APBB1IP: variants seen among roughly 807,000 people sequenced by gnomAD.
The protein encoded by APBB1IP is amyloid beta precursor protein binding family B member 1 interacting protein, also known as amyloid beta A4 precursor protein-binding family B member 1-interacting protein.
A neutral mutation model predicts 64.9 loss-of-function variants in APBB1IP; 27 were observed. The ratio of observed to expected loss-of-function variants is 0.42; its 90% CI spans 0.31 to 0.57. APBB1IP has a LOEUF of 0.57. Among genes scored for constraint, APBB1IP ranks in the 20% least tolerant of loss-of-function variants. The pLI, the probability that APBB1IP is intolerant of heterozygous loss-of-function variation, is 0.20. For missense variants in APBB1IP, 812 were observed against 845.5 expected (o/e 0.96, Z 0.49); for synonymous variants, 392 against 331.0 (o/e 1.18, Z -2.00).
chr10:26,443,349 A>G (rs3006806), intron 2 of APBB1IP, among the ~76,000 whole-genome samples: 149,568 of 151,470 alleles, frequency 0.99, 73,870 homozygotes, highest in East Asian at 1. Flanking sequence ...GCTTGAACCC[A>G]GGAGGTGGAG....
At chr10:26,548,171 G>A (rs1836789775) in intron 11 of APBB1IP, among the ~76,000 whole-genome samples, 1 of 152,142 alleles carries the variant, frequency 6.6e-6, no homozygotes, top group Admixed American at 6.5e-5. Flanking sequence ...ATTTCTGTGT[G>A]AAGTATGACA....
intron 2 of APBB1IP, among the ~76,000 whole-genome samples, chr10:26,440,564 T>A (rs1431561475): frequency 6.6e-6 from 1 of 152,218 alleles, no homozygotes; most frequent in African/African-American, 2.4e-5. Context: ...CAGCCCAAAC[T>A]TGAACAGGTC....
At chr10:26,476,076 T>C (rs1588576655) in intron 2 of APBB1IP, among the ~76,000 whole-genome samples, 2 of 151,790 alleles carry the variant, frequency 1.3e-5, no homozygotes, top group South Asian at 4.2e-4. Flanking sequence ...TTTTTTTTTT[T>C]TTGAGAGAGT....
At chr10:26,526,573 GT>G (rs1836477046) in intron 8 of APBB1IP, among the ~76,000 whole-genome samples, 1 of 152,032 alleles carries the variant, frequency 6.6e-6, no homozygotes, top group East Asian at 1.9e-4. Context: ...ACAAAAACAA[GT>G]CGTGCATGGC....
chr10:26,497,516 A>C (rs1836041199), intron 4 of APBB1IP, among the ~76,000 whole-genome samples: 1 of 151,448 alleles, frequency 6.6e-6, no homozygotes, highest in Non-Finnish European at 1.5e-5. Context: ...GCGCCACTGC[A>C]CTCCAACCTG....
At chr10:26,510,734 TCA>T (rs1554776713) in intron 6 of APBB1IP, among the ~76,000 whole-genome samples, 2,200 of 135,716 alleles carry the variant, frequency 0.016, 22 homozygotes, top group South Asian at 0.029. Flanking sequence ...AGACCCTGTC[TCA>T]CACACACACA....
intron 11 of APBB1IP, among the ~76,000 whole-genome samples, chr10:26,549,415 T>C (rs1193832609): frequency 6.6e-6 from 1 of 152,196 alleles, no homozygotes; most frequent in Non-Finnish European, 1.5e-5. Context: ...TATATGTTTC[T>C]AGAACTCAGC....
chr10:26,490,945 A>G (rs1835947389), intron 2 of APBB1IP, among the ~76,000 whole-genome samples: 1 of 152,188 alleles, frequency 6.6e-6, no homozygotes, highest in South Asian at 2.1e-4. Flanking sequence ...AGTATGAGCT[A>G]TAATTGGCAT....
rs147102431 is a variant in APBB1IP at position 26,480,718 on chromosome 10, C to T, written c.1-11609C>T. On this transcript the variant is annotated intron_variant, in intron 2 of 14. Coordinates refer to ENST00000376236, the MANE Select transcript of APBB1IP (RefSeq NM_019043.4). ...CTGGGCTCAAGTGATCTGCCTACCT[C>T]GACCTCCCAAAGTGCTGGGATTACA... Among the ~76,000 whole-genome samples, 866 of 145,970 alleles carry T rather than the reference C, an allele frequency of 5.9e-3. 12 individuals are homozygous for T. The highest frequency in any genetic ancestry group is 0.02 in the African/African-American group (807 of 39,410).
At chr10:26,472,729 G>T (rs1835734111) in intron 2 of APBB1IP, among the ~76,000 whole-genome samples, 1 of 152,116 alleles carries the variant, frequency 6.6e-6, no homozygotes, top group Non-Finnish European at 1.5e-5. Flanking sequence ...CTGAAGTCAG[G>T]AGTTCGAGAC....
chr10:26,529,996 A>G (rs114770526), intron 8 of APBB1IP, among the ~76,000 whole-genome samples: 86 of 152,236 alleles, frequency 5.6e-4, no homozygotes, highest in African/African-American at 2.0e-3. Flanking sequence ...ACGTGATTCA[A>G]ATATCTGGCC....
At chr10:26,478,094 G>C (rs150205786) in intron 2 of APBB1IP, among the ~76,000 whole-genome samples, 70 of 152,314 alleles carry the variant, frequency 4.6e-4, no homozygotes, top group African/African-American at 1.7e-3. Flanking sequence ...AGCGGGAAGA[G>C]AGTATAATTA....
chr10:26,440,715 T>C (rs1835329975), intron 2 of APBB1IP, among the ~76,000 whole-genome samples: 1 of 152,204 alleles, frequency 6.6e-6, no homozygotes, highest in Non-Finnish European at 1.5e-5. Context: ...TATTTTTATA[T>C]CCTAAGAATG....
chr10:26,566,860 C>T, intron 14 of APBB1IP, 101 bp from the exon 15 acceptor site: 2 of 1,351,442 alleles, frequency 1.5e-6, no homozygotes, highest in Non-Finnish European at 2.0e-6. Context: ...TGCACTCAGC[C>T]TGGGCGACAG....
At chr10:26,506,148 C>A (rs1164781019) in intron 6 of APBB1IP, among the ~76,000 whole-genome samples, 1 of 151,494 alleles carries the variant, frequency 6.6e-6, no homozygotes, top group Non-Finnish European at 1.5e-5. Context: ...ACCTTCCTAG[C>A]GAGGCCTTTC....
chr10:26,562,775 C>T (rs888267347), intron 14 of APBB1IP, among the ~76,000 whole-genome samples: 5 of 151,352 alleles, frequency 3.3e-5, no homozygotes, highest in African/African-American at 9.7e-5. Flanking sequence ...CCAGCCTGGG[C>T]GACAGAGTAA....
intron 2 of APBB1IP, among the ~76,000 whole-genome samples, chr10:26,482,810 A>G (rs919368830): frequency 1.3e-5 from 2 of 151,904 alleles, no homozygotes; most frequent in Admixed American, 6.6e-5. Flanking sequence ...ACTGTAGGGT[A>G]AAAAAACAAC....
intron 2 of APBB1IP, among the ~76,000 whole-genome samples, chr10:26,443,690 A>G (rs1835361601): frequency 7.3e-6 from 1 of 137,900 alleles, no homozygotes; most frequent in Non-Finnish European, 1.6e-5. Context: ...GTGCGTCACC[A>G]TGCCCAGCTA....
intron 6 of APBB1IP, among the ~76,000 whole-genome samples, chr10:26,508,902 T>TA (rs1222519219): frequency 2.0e-5 from 3 of 152,192 alleles, no homozygotes; most frequent in African/African-American, 7.2e-5. Context: ...TTATAGAACA[T>TA]AAAAAACAGC....
Sources: gnomAD v4.1 joint callset for allele counts (sites outside exome capture counted in the v4.1 genomes callset) on GRCh38, gnomAD v4.1.1 for gene constraint, MANE v1.5 for transcripts, NCBI Gene and HGNC (gene_info 2026-07-23, HGNC 2026-07-21) for gene names.